FEM1C: variants seen among roughly 807,000 people sequenced by gnomAD.
The protein encoded by FEM1C is fem-1 homolog C, also known as protein fem-1 homolog C.
FEM1C carries 15 observed loss-of-function variants against 37.6 expected under a neutral mutation model. The observed-to-expected ratio is 0.40, with a 90% CI of 0.27 to 0.61. The LOEUF (loss-of-function observed/expected upper bound fraction) is 0.61, where lower values mean the gene tolerates loss of function less well. Ranked by LOEUF, FEM1C falls within the 20% of genes least tolerant of loss-of-function variation. The probability of loss-of-function intolerance (pLI) is 0.42; values close to 1 mark genes in which losing one functional copy is unlikely to be tolerated. For missense variants in FEM1C, 532 were observed against 749.7 expected, an observed-to-expected ratio of 0.71 and a Z score of 3.39; for synonymous variants, 287 against 272.8, an observed-to-expected ratio of 1.05 and a Z score of -0.51.
rs1240463934 is a variant in FEM1C, at chr5:115,523,228, GA to G, written c.*1079del. On this transcript the variant is annotated 3_prime_UTR_variant, in exon 3 of 3. Transcript: ENST00000274457. ...ATACCTTAATTATCCTAGATGCCTA[GA>G]TCTGGCTTGGCAAGCATCATGCCAC... 6.6e-6 allele frequency: 1 copy of G among 152,438 alleles called. No individual in the cohort carries two copies. Among genetic ancestry groups the G allele is most frequent in the Non-Finnish European group, 1.5e-5 (1 of 67,952 alleles). The allele number at this position is 152,438 out of a possible 1,614,324, so 9.4% of individuals were successfully genotyped here. A position where few individuals can be genotyped will look rare whatever the true frequency, so the allele number is the denominator to read the frequency against.
rs966077558 is a variant in FEM1C, at chr5:115,523,254, C to T, written c.*1054G>A. The T allele has an allele frequency of 6.6e-6, 1 of 152,430 alleles. No individual in the cohort carries two copies. Among genetic ancestry groups the T allele is most frequent in the Non-Finnish European group, 1.5e-5 (1 of 67,954 alleles). 9.4% of individuals were successfully genotyped at this position (152,430 alleles called of 1,614,324 possible). On this transcript the variant is annotated 3_prime_UTR_variant, in exon 3 of 3. Coordinates refer to ENST00000274457, the MANE Select transcript of FEM1C (RefSeq NM_020177.3). Reference sequence around the variant, plus strand: ...ATCTGGCTTGGCAAGCATCATGCCACTGACATGCTTTAGCTCTTTTTGTAA... The same window carrying T: ...ATCTGGCTTGGCAAGCATCATGCCATTGACATGCTTTAGCTCTTTTTGTAA...
intron 2 of FEM1C, among the ~76,000 whole-genome samples, chr5:115,528,740 A>C (rs1196260343): frequency 6.6e-6 from 1 of 152,162 alleles, no homozygotes; most frequent in Non-Finnish European, 1.5e-5. Flanking sequence ...ATAACACAAA[A>C]AACAATGGAA....
chr5:115,542,388 T>C (rs888412904), intron 2 of FEM1C, among the ~76,000 whole-genome samples: 2 of 152,172 alleles, frequency 1.3e-5, no homozygotes, highest in Non-Finnish European at 2.9e-5. Context: ...AAAAGGATTA[T>C]CTATTGACCA....
chr5:115,527,408 C>T (rs1753917321), intron 2 of FEM1C, among the ~76,000 whole-genome samples: 1 of 152,192 alleles, frequency 6.6e-6, no homozygotes, highest in South Asian at 2.1e-4. Flanking sequence ...ATTATTCTGA[C>T]CCAAGATTTC....
In FEM1C at chr5:115,524,226, C is replaced by T. The variant is rs1753834638; in HGVS notation, c.*82G>A. The T allele has an allele frequency of 4.6e-6, 5 of 1,092,370 alleles. No homozygotes were observed. The highest frequency in any genetic ancestry group is 6.8e-6 in the Non-Finnish European group (5 of 734,056). The allele number at this position is 1,092,370 out of a possible 1,614,324, so 67.7% of individuals were successfully genotyped here. ...TGATATCAATCAAGCTAAATGAATG[C>T]TGGTGTTATCACAACAGTGCTCATT... On this transcript the variant is annotated 3_prime_UTR_variant, in exon 3 of 3. Coordinates refer to ENST00000274457, the MANE Select transcript of FEM1C (RefSeq NM_020177.3).
chr5:115,532,494 T>A (rs1490577368), intron 2 of FEM1C, among the ~76,000 whole-genome samples: 2 of 152,002 alleles, frequency 1.3e-5, no homozygotes, highest in East Asian at 1.9e-4. Context: ...GTAAGTTTTT[T>A]AATTATAGCC....
At position 115,543,335 on chromosome 5, in the gene FEM1C, G is replaced by C; in HGVS notation, c.159C>G (p.His53Gln). The C allele has an allele frequency of 3.1e-6, 5 of 1,614,204 alleles. No individual in the cohort carries two copies. Among genetic ancestry groups the C allele is most frequent in the Non-Finnish European group, 4.2e-6 (5 of 1,180,038 alleles). ...CTAGGAGGAATTCCACCATGTCAAGGTGCCCATACCTGGCGGCCATCAAGA... is the reference window on the plus strand; with the variant it reads ...CTAGGAGGAATTCCACCATGTCAAGCTGCCCATACCTGGCGGCCATCAAGA... ...TPLLMAARYG[H>Q]LDMVEFLLEQ... The change falls in exon 2 of 3, where the codon CAC (histidine) becomes CAG (glutamine). Residue 53 changes from histidine to glutamine, a missense_variant. Around this residue, in one of 3 missense-constraint regions of FEM1C, gnomAD observed 74 missense variants for 85.0 expected, o/e 0.87. Transcript: ENST00000274457.
In FEM1C at chr5:115,543,294, G is replaced by A; in HGVS notation, c.200C>T (p.Ser67Phe). ...VEFLLEQCSA[S>F]IEVGGSVNFD... is the part of the protein sequence containing the mutation. ...ATTGACGGAGCCCCCAACTTCTATG[G>A]AGGCACTGCATTGCTCTAGGAGGAA... Residue 67 changes from serine (S) to phenylalanine (F), a missense_variant, in exon 2 of 3, where the codon TCC becomes TTC. Around this residue, in one of 3 missense-constraint regions of FEM1C, gnomAD observed 74 missense variants for 85.0 expected, o/e 0.87. Transcript: ENST00000274457. 9 of 1,614,184 alleles carry A rather than the reference G, an allele frequency of 5.6e-6. No individual in the cohort carries two copies. Among genetic ancestry groups the A allele is most frequent in the Non-Finnish European group, 7.6e-6 (9 of 1,180,026 alleles).
At chr5:115,541,793 G>C (rs889909204) in intron 2 of FEM1C, among the ~76,000 whole-genome samples, 82 of 152,210 alleles carry the variant, frequency 5.4e-4, no homozygotes, top group African/African-American at 2.0e-3. Context: ...AGATAAAAAA[G>C]TATGTAATCA....
rs1753790427 is a variant in FEM1C at position 115,522,195 on chromosome 5, A to C, written c.*2113T>G. 6.6e-6 allele frequency: 1 copy of C among 151,268 alleles called. No homozygotes were observed. The highest frequency in any genetic ancestry group is 1.5e-5 in the Non-Finnish European group (1 of 67,664). The allele number at this position is 151,268 out of a possible 1,614,324, so 9.4% of individuals were successfully genotyped here. A position where few individuals can be genotyped will look rare whatever the true frequency, so the allele number is the denominator to read the frequency against. On this transcript the variant is annotated 3_prime_UTR_variant, in exon 3 of 3. Coordinates refer to ENST00000274457, the MANE Select transcript of FEM1C (RefSeq NM_020177.3). The stretch of plus-strand genomic sequence containing the variant: ...AATTGTCATCTGTTATCCTCAAATT[A>C]TCGAGATCAACTAATGTAATTTACT...
rs188766600 is a variant in FEM1C, at chr5:115,524,188, A to C, written c.*120T>G. On this transcript the variant is annotated 3_prime_UTR_variant, in exon 3 of 3. Coordinates refer to ENST00000274457, the MANE Select transcript of FEM1C (RefSeq NM_020177.3). ...ATTTGATGCTTATAATGCTTTAGCC[A>C]ATGAGAGCACAATGATATCAATCAA... The C allele has an allele frequency of 1.3e-6, 1 of 750,040 alleles. No individual in the cohort carries two copies. Among genetic ancestry groups the C allele is most frequent in the Admixed American group, 2.8e-5 (1 of 35,870 alleles). 46.5% of individuals were successfully genotyped at this position (750,040 alleles called of 1,614,324 possible).
chr5:115,532,943 G>C (rs896324187), intron 2 of FEM1C, among the ~76,000 whole-genome samples: 1 of 152,004 alleles, frequency 6.6e-6, no homozygotes. Flanking sequence ...GGAGCATGAA[G>C]GACATTTTTG....
intron 2 of FEM1C, among the ~76,000 whole-genome samples, 184 bp downstream of exon 2, chr5:115,542,766 A>T (rs1384191659): frequency 6.6e-6 from 1 of 152,234 alleles, no homozygotes; most frequent in African/African-American, 2.4e-5. Context: ...GAAGTCTTTT[A>T]TCACACTTTT....
intron 2 of FEM1C, among the ~76,000 whole-genome samples, chr5:115,533,866 T>C (rs903277634): frequency 2.0e-5 from 3 of 149,806 alleles, no homozygotes; most frequent in African/African-American, 7.5e-5. Flanking sequence ...GAAAAACATA[T>C]TATATTAAAC....
intron 2 of FEM1C, 115 bp downstream of exon 2, chr5:115,542,835 T>C: frequency 1.6e-6 from 2 of 1,254,082 alleles, no homozygotes; most frequent in Non-Finnish European, 2.2e-6. Context: ...AAGACTTACC[T>C]AATCAAAACA....
Position 115,524,262 on chromosome 5 carries a change from C to G in FEM1C, c.*46G>C. The G allele has an allele frequency of 6.7e-7, 1 of 1,500,016 alleles. No individual in the cohort carries two copies. The highest frequency in any genetic ancestry group is 9.2e-7 in the Non-Finnish European group (1 of 1,081,210). 92.9% of individuals were successfully genotyped at this position (1,500,016 alleles called of 1,614,324 possible). On this transcript the variant is annotated 3_prime_UTR_variant, in exon 3 of 3. Coordinates refer to ENST00000274457, the MANE Select transcript of FEM1C (RefSeq NM_020177.3). ...ACAACAGTGCTCATTTATGAAACAA[C>G]TGTTACCAATTCGTGCTTTAACAGT...
rs1464510629 is a variant in FEM1C, at chr5:115,521,916, A to G, written c.*2392T>C. On this transcript the variant is annotated 3_prime_UTR_variant, in exon 3 of 3. Transcript: ENST00000274457. ...TGGTTTTTCAAAACCTCCCAATGGC[A>G]TTTGTGGAGATGGCAGAGAAGGGAG... 1 of 151,912 alleles carries G rather than the reference A, an allele frequency of 6.6e-6. No individual in the cohort carries two copies. Among genetic ancestry groups the G allele is most frequent in the Admixed American group, 6.6e-5 (1 of 15,222 alleles). 9.4% of individuals were successfully genotyped at this position (151,912 alleles called of 1,614,324 possible). A position where few individuals can be genotyped will look rare whatever the true frequency, so the allele number is the denominator to read the frequency against.
chr5:115,529,221 T>C (rs956697760), intron 2 of FEM1C, among the ~76,000 whole-genome samples: 10 of 147,896 alleles, frequency 6.8e-5, no homozygotes, highest in African/African-American at 2.5e-4. Flanking sequence ...GAAGGACAAA[T>C]AAAAAGAAAA....
chr5:115,541,590 C>T (rs145996986), intron 2 of FEM1C, among the ~76,000 whole-genome samples: 2 of 152,240 alleles, frequency 1.3e-5, no homozygotes, highest in East Asian at 3.9e-4. Flanking sequence ...TGAAAAGACA[C>T]ATTTTTGTTC....
Sources: gnomAD v4.1 joint callset for allele counts (sites outside exome capture counted in the v4.1 genomes callset) on GRCh38, gnomAD v4.1.1 for gene constraint, gnomAD v4.1.1 regional missense constraint, MANE v1.5 for transcripts, NCBI Gene and HGNC (gene_info 2026-07-23, HGNC 2026-07-21) for gene names.